Variants in PMEPA1 observed in about 807,000 individuals in gnomAD.
PMEPA1 encodes the protein protein TMEPAI.
Under a neutral mutation model 23.0 loss-of-function variants are expected in PMEPA1, and 11 were observed. The ratio of observed to expected loss-of-function variants is 0.48; its 90% confidence interval spans 0.30 to 0.79. PMEPA1 has a LOEUF of 0.79. Ranked by LOEUF, PMEPA1 falls within the 30% of genes least tolerant of loss-of-function variation. The pLI, the probability that PMEPA1 is intolerant of heterozygous loss-of-function variation, is 0.06. For missense variants in PMEPA1, 377 were observed against 390.9 expected (o/e 0.96, Z 0.30); for synonymous variants, 204 against 166.4 (o/e 1.23, Z -1.74).
rs934883605 is a variant in PMEPA1, at chr20:57,652,938, G to C, written c.318+95C>G. On this transcript the variant is annotated intron_variant, in intron 3 of 3. Transcript: ENST00000341744. This position sits in a 1 kb window ranked among gnomAD's most constrained non-coding sequence, Gnocchi z 6.1. Reference sequence around the variant, plus strand: ...AAGGGCACTGCAGAGGAGGGCGGAGGGGTGAGCCTTTAGCAGCCCACACTG... The same window carrying C: ...AAGGGCACTGCAGAGGAGGGCGGAGCGGTGAGCCTTTAGCAGCCCACACTG... 1.9e-6 allele frequency: 2 copies of C among 1,029,022 alleles called. No homozygotes were observed. The highest frequency in any genetic ancestry group is 3.0e-6 in the Non-Finnish European group (2 of 673,712). 63.7% of individuals were successfully genotyped at this position (1,029,022 alleles called of 1,614,324 possible).
Position 57,709,806 on chromosome 20 carries a change from C to T in PMEPA1, c.-224G>A. ...CCCCCCGGCCTCCCCTCGGCAGCCC[C>T]GGGGGCGTCGGCAGTGCCCGCGGGT... is the stretch of plus-strand genomic sequence containing the variant. On this transcript the variant is annotated 5_prime_UTR_variant, in exon 1 of 4. Coordinates refer to ENST00000341744, the MANE Select transcript of PMEPA1 (RefSeq NM_020182.5). The T allele has an allele frequency of 1.0e-6, 1 of 983,502 alleles. No individual in the cohort carries two copies. The highest frequency in any genetic ancestry group is 1.2e-6 in the Non-Finnish European group (1 of 829,374). The allele number at this position is 983,502 out of a possible 1,614,324, so 60.9% of individuals were successfully genotyped here. A position where few individuals can be genotyped will look rare whatever the true frequency, so the allele number is the denominator to read the frequency against.
At chr20:57,702,633 GA>G (rs1415140335) in intron 1 of PMEPA1, among the ~76,000 whole-genome samples, 1 of 152,346 alleles carries the variant, frequency 6.6e-6, no homozygotes, top group African/African-American at 2.4e-5. Flanking sequence ...GAAAGCCTGG[GA>G]GTGTGGACTG....
intron 1 of PMEPA1, among the ~76,000 whole-genome samples, chr20:57,703,426 G>T (rs921353807): frequency 1.2e-4 from 18 of 152,236 alleles, no homozygotes; most frequent in Admixed American, 6.5e-5. Context: ...GCATCTGGAC[G>T]TCAGGGCGGT....
intron 1 of PMEPA1, among the ~76,000 whole-genome samples, chr20:57,687,793 A>G (rs2071820607): frequency 1.3e-5 from 2 of 152,200 alleles, no homozygotes; most frequent in East Asian, 3.8e-4. Flanking sequence ...CACCTGTGCT[A>G]CAGGGCCCTG....
chr20:57,675,760 C>T (rs963213483), intron 1 of PMEPA1, among the ~76,000 whole-genome samples: 5 of 152,200 alleles, frequency 3.3e-5, no homozygotes, highest in Non-Finnish European at 5.9e-5. Context: ...CTGCCTCCCA[C>T]CTTTGATTGT....
intron 1 of PMEPA1, among the ~76,000 whole-genome samples, chr20:57,684,879 C>T (rs2071780713): frequency 6.6e-6 from 1 of 152,058 alleles, no homozygotes; most frequent in South Asian, 2.1e-4. Flanking sequence ...CTCTGCCCAC[C>T]CCTCAGAGAG....
chr20:57,657,623 G>A (rs1367225156), intron 2 of PMEPA1, among the ~76,000 whole-genome samples: 1 of 152,228 alleles, frequency 6.6e-6, no homozygotes, highest in African/African-American at 2.4e-5. Flanking sequence ...TGTGGGCCAG[G>A]CATTCCCATC....
intron 1 of PMEPA1, among the ~76,000 whole-genome samples, chr20:57,663,970 C>T (rs1261009682): frequency 2.0e-5 from 3 of 152,234 alleles, no homozygotes; most frequent in African/African-American, 7.2e-5. Context: ...ACGAAGACCA[C>T]CCTTGGGCAT....
chr20:57,663,009 G>T (rs1173412547), intron 1 of PMEPA1, among the ~76,000 whole-genome samples: 2 of 152,222 alleles, frequency 1.3e-5, no homozygotes, highest in Non-Finnish European at 2.9e-5. Context: ...TCGGCCCCAG[G>T]GGCAGGGGGA....
rs1000999879 is a variant in PMEPA1 at position 57,670,258 on chromosome 20, G to A, written c.110-10561C>T. 3.9e-5 allele frequency among the ~76,000 whole-genome samples: 6 copies of A among 152,096 alleles called. 1 individual carries two copies. The highest frequency in any genetic ancestry group is 1.2e-4 in the African/African-American group (5 of 41,388). On this transcript the variant is annotated intron_variant, in intron 1 of 3. Transcript: ENST00000341744. ...TGCAGGCTGCCCTGTGGCACCCACC[G>A]GTCCACTGTCTCTCCTTCACTGGGC... is the stretch of plus-strand genomic sequence containing the variant.
chr20:57,675,614 C>T (rs928920049), intron 1 of PMEPA1, among the ~76,000 whole-genome samples: 1 of 152,182 alleles, frequency 6.6e-6, no homozygotes, highest in African/African-American at 2.4e-5. Flanking sequence ...TGCTGCTGGC[C>T]ACACTGACAG....
chr20:57,693,465 C>T (rs1017899183), intron 1 of PMEPA1, among the ~76,000 whole-genome samples: 11 of 152,342 alleles, frequency 7.2e-5, no homozygotes, highest in East Asian at 3.9e-4. Context: ...CTCCCCGCCC[C>T]GGGACTTTTC....
chr20:57,687,050 T>G (rs1287822031), intron 1 of PMEPA1, among the ~76,000 whole-genome samples: 1 of 152,278 alleles, frequency 6.6e-6, no homozygotes, highest in African/African-American at 2.4e-5. Context: ...TTTAAACGAC[T>G]GTTCCTAATC....
At chr20:57,663,590 T>C (rs1765533058) in intron 1 of PMEPA1, among the ~76,000 whole-genome samples, 1 of 152,208 alleles carries the variant, frequency 6.6e-6, no homozygotes, top group Non-Finnish European at 1.5e-5. Context: ...TGACCTGCTC[T>C]GGAATCGCAG....
In PMEPA1 at chr20:57,652,564, C is replaced by A. The variant is rs761429643; in HGVS notation, c.353G>T (p.Arg118Leu). The A allele has an allele frequency of 1.3e-6, 2 of 1,520,168 alleles. No homozygotes were observed. The highest frequency in any genetic ancestry group is 2.3e-5 in the East Asian group (1 of 43,434). The allele number at this position is 1,520,168 out of a possible 1,614,324, so 94.2% of individuals were successfully genotyped here. A position where few individuals can be genotyped will look rare whatever the true frequency, so the allele number is the denominator to read the frequency against. Residue 118 changes from arginine (R) to leucine (L), a missense_variant, in exon 4 of 4, where the codon CGC becomes CTC. Arg to Leu is a moderately radical substitution (Grantham distance 102, BLOSUM62 -2). Around this residue, in one of 3 missense-constraint regions of PMEPA1, gnomAD observed 198 missense variants for 196.3 expected, o/e 1.01. Transcript: ENST00000341744. The surrounding 1 kb of genome is among the most constrained non-coding windows in gnomAD (Gnocchi z 6.1). ...QVYAPPRPTDRLAVPPFAQRE... is the reference protein window; with the variant it reads ...QVYAPPRPTDLLAVPPFAQRE... ...CTGGGCGAAGGGCGGCACGGCCAGG[C>A]GGTCGGTGGGCCGAGGCGGGGCGTA...
At chr20:57,705,017 T>C (rs1358002726) in intron 1 of PMEPA1, among the ~76,000 whole-genome samples, 1 of 152,206 alleles carries the variant, frequency 6.6e-6, no homozygotes, top group East Asian at 1.9e-4. Flanking sequence ...GAATGTGCAC[T>C]CTTCCTCCTT....
At position 57,664,349 on chromosome 20, in the gene PMEPA1, G is replaced by A. The variant is rs140695155; in HGVS notation, c.110-4652C>T. On this transcript the variant is annotated intron_variant, in intron 1 of 3. Transcript: ENST00000341744. ...GCACTGATCAGGGCCCACTCAGGCC[G>A]AGTTCATCAAGCATGGGCTCCCTCC... 1.4e-3 allele frequency among the ~76,000 whole-genome samples: 213 copies of A among 152,310 alleles called. 2 individuals are homozygous for A. The highest frequency in any genetic ancestry group is 5.6e-4 in the Non-Finnish European group (38 of 68,028).
chr20:57,707,818 A>C (rs2072109455), intron 1 of PMEPA1, among the ~76,000 whole-genome samples: 1 of 152,304 alleles, frequency 6.6e-6, no homozygotes, highest in Admixed American at 6.5e-5. Context: ...AGGGCACTGA[A>C]GCAGCAATCC....
Position 57,704,511 on chromosome 20 carries a change from C to T in PMEPA1, c.109+4963G>A, listed in dbSNP as rs562989348. 6.6e-6 allele frequency among the ~76,000 whole-genome samples: 1 copy of T among 152,338 alleles called. No homozygotes were observed. The highest frequency in any genetic ancestry group is 6.5e-5 in the Admixed American group (1 of 15,306). ...TCCTTCTCTCAGCATGTGCACCGTA[C>T]AGAACCCGAGGCTGGCAGCAGCACA... On this transcript the variant is annotated intron_variant, in intron 1 of 3. Coordinates refer to ENST00000341744, the MANE Select transcript of PMEPA1 (RefSeq NM_020182.5). The surrounding 1 kb of genome is among the most constrained non-coding windows in gnomAD (Gnocchi z 4.6).
Sources: gnomAD v4.1 joint callset for allele counts (sites outside exome capture counted in the v4.1 genomes callset) on GRCh38, gnomAD v4.1.1 for gene constraint, gnomAD v4.1.1 regional missense constraint, Gnocchi (gnomAD v3.1) non-coding constraint, MANE v1.5 for transcripts, NCBI Gene and HGNC (gene_info 2026-07-23, HGNC 2026-07-21) for gene names.